PVT1: variants seen among roughly 807,000 people sequenced by gnomAD.
The protein encoded by PVT1 is CXCR4/PVT1 fusion.
At chr8:127,812,228 AAGGC>A (rs1466279720) in intron 2 of PVT1, among the ~76,000 whole-genome samples, 9 of 134,636 alleles carry the variant, frequency 6.7e-5, no homozygotes, top group South Asian at 2.3e-4. Flanking sequence ...GGAAGGCAGG[AAGGC>A]AGGAAGGAAG....
In PVT1 at chr8:128,046,430, C is replaced by T. The variant is rs139724315; in HGVS notation, n.913-23730C>T. Among the ~76,000 whole-genome samples, 597 of 152,336 alleles carry T rather than the reference C, an allele frequency of 3.9e-3. 1 individual carries two copies. Among genetic ancestry groups the T allele is most frequent in the African/African-American group, 0.013 (532 of 41,578 alleles). ...GATCTGAAGTCCGGGAGCCTGGCTCCGTAGGCCTCTGTTTAAGCCACTGCA... is the reference window on the plus strand; with the variant it reads ...GATCTGAAGTCCGGGAGCCTGGCTCTGTAGGCCTCTGTTTAAGCCACTGCA... On this transcript the variant is annotated intron_variant and non_coding_transcript_variant, in intron 4 of 10. Coordinates refer to ENST00000651587, the Ensembl canonical transcript of PVT1.
chr8:127,934,413 C>T (rs1161384018), intron 3 of PVT1, among the ~76,000 whole-genome samples: 1 of 152,204 alleles, frequency 6.6e-6, no homozygotes. Flanking sequence ...GAAGCCTTCC[C>T]TCTGGGTGTC....
intron 3 of PVT1, among the ~76,000 whole-genome samples, chr8:127,903,312 T>A (rs1815780809): frequency 6.6e-6 from 1 of 152,250 alleles, no homozygotes; most frequent in Non-Finnish European, 1.5e-5. Context: ...TTTAAGTTCC[T>A]TATCGATTCT....
intron 2 of PVT1, among the ~76,000 whole-genome samples, chr8:127,848,212 T>G (rs746184790): frequency 1.0e-3 from 153 of 152,218 alleles, no homozygotes; most frequent in Non-Finnish European, 4.1e-4. Context: ...AAGGTTATGT[T>G]CTATTCACGC....
At chr8:128,049,435 C>T (rs1036873080) in intron 4 of PVT1, among the ~76,000 whole-genome samples, 2 of 152,064 alleles carry the variant, frequency 1.3e-5, no homozygotes, top group Admixed American at 6.5e-5. Flanking sequence ...CTAGCTGCAG[C>T]GTCAAGGTCT....
chr8:128,084,773 T>C (rs577023356), intron 5 of PVT1, among the ~76,000 whole-genome samples: 14 of 152,344 alleles, frequency 9.2e-5, no homozygotes, highest in African/African-American at 3.1e-4. Flanking sequence ...TTCTGAATAA[T>C]GGGAGCAATG....
chr8:127,984,903 TTCTTTCTTTC>T (rs1816938668), intron 3 of PVT1, among the ~76,000 whole-genome samples: 1 of 88,458 alleles, frequency 1.1e-5, no homozygotes, highest in African/African-American at 3.7e-5. Context: ...CTTTCTTTCT[TTCTTTCTTTC>T]TTTCTTTCTC....
At chr8:128,087,508 C>T (rs1446358685) in intron 5 of PVT1, among the ~76,000 whole-genome samples, 1 of 152,140 alleles carries the variant, frequency 6.6e-6, no homozygotes, top group Non-Finnish European at 1.5e-5. Flanking sequence ...ATTATTAACA[C>T]CACAACTGCC....
intron 3 of PVT1, among the ~76,000 whole-genome samples, chr8:127,971,402 G>GT (rs1816763117): frequency 6.6e-6 from 1 of 152,262 alleles, no homozygotes; most frequent in South Asian, 2.1e-4. Context: ...GTTTCCAAGA[G>GT]TACATGATCT....
intron 2 of PVT1, among the ~76,000 whole-genome samples, chr8:127,885,456 G>A (rs1045742395): frequency 1.3e-5 from 2 of 152,182 alleles, no homozygotes; most frequent in South Asian, 2.1e-4. Flanking sequence ...CATATTTGGT[G>A]TCTGGTGAGG....
intron 3 of PVT1, among the ~76,000 whole-genome samples, chr8:127,956,148 A>G (rs987246627): frequency 6.6e-6 from 1 of 152,228 alleles, no homozygotes; most frequent in Non-Finnish European, 1.5e-5. Context: ...CTGGGACCCA[A>G]GCTCAAGGGG....
At chr8:128,005,206 C>T (rs183565843) in intron 4 of PVT1, among the ~76,000 whole-genome samples, 84 of 152,028 alleles carry the variant, frequency 5.5e-4, no homozygotes, top group Non-Finnish European at 1.1e-3. Context: ...TGGGAAACCT[C>T]ACTACTACAT....
intron 4 of PVT1, chr8:127,998,466 C>T (rs1036347763): frequency 7.9e-5 from 12 of 152,130 alleles, no homozygotes; most frequent in African/African-American, 2.9e-4. Flanking sequence ...TCTTCAGTTA[C>T]TTCCTGTGCC....
intron 4 of PVT1, among the ~76,000 whole-genome samples, chr8:128,062,660 A>G (rs1407121901): frequency 6.6e-6 from 1 of 152,248 alleles, no homozygotes. Context: ...ATAGACCTAT[A>G]AAAACACCAT....
chr8:127,815,262 C>T (rs1378311582), intron 2 of PVT1, among the ~76,000 whole-genome samples: 3 of 152,202 alleles, frequency 2.0e-5, no homozygotes, highest in Non-Finnish European at 4.4e-5. Context: ...CCACCGTGCC[C>T]CACCTTAGTG....
chr8:128,045,429 G>A (rs1452474278), intron 4 of PVT1, among the ~76,000 whole-genome samples: 1 of 152,174 alleles, frequency 6.6e-6, no homozygotes, highest in Admixed American at 6.5e-5. Flanking sequence ...CTTATCTAAT[G>A]GGTAAGTCAG....
intron 2 of PVT1, among the ~76,000 whole-genome samples, chr8:127,877,165 C>T (rs1815415174): frequency 6.6e-6 from 1 of 152,178 alleles, no homozygotes; most frequent in Non-Finnish European, 1.5e-5. Context: ...CTCAGAGCGC[C>T]TAGAATGTGC....
intron 2 of PVT1, among the ~76,000 whole-genome samples, chr8:127,855,596 G>A (rs1215690322): frequency 6.6e-6 from 1 of 152,154 alleles, no homozygotes; most frequent in African/African-American, 2.4e-5. Flanking sequence ...GAGGGGATTG[G>A]AATCTGCATT....
At chr8:127,998,235 A>C (rs1817129502) in intron 4 of PVT1, 1 of 152,236 alleles carries the variant, frequency 6.6e-6, no homozygotes, top group Non-Finnish European at 1.5e-5. Flanking sequence ...CCCTAAGAAG[A>C]GGGCATTCCT....
Sources: allele counts gnomAD v4.1 joint callset (sites outside exome capture counted in the v4.1 genomes callset), GRCh38; gene constraint gnomAD v4.1.1; transcripts MANE v1.5; gene names NCBI Gene and HGNC (gene_info 2026-07-23, HGNC 2026-07-21).